PTPRD: variants seen among roughly 807,000 people sequenced by gnomAD.
PTPRD encodes the protein protein tyrosine phosphatase receptor type D.
A neutral mutation model predicts 214.5 loss-of-function variants in PTPRD; 34 were observed. The ratio of observed to expected loss-of-function variants is 0.16; its 90% CI spans 0.12 to 0.21. The LOEUF is 0.21. Ranked by LOEUF, PTPRD falls within the 10% of genes least tolerant of loss-of-function variation. The probability of loss-of-function intolerance (pLI) is 1.00; values close to 1 mark genes in which losing one functional copy is unlikely to be tolerated. For missense variants in PTPRD, 2,545 were observed against 2,398.7 expected (o/e 1.06, Z -1.27); for synonymous variants, 1,128 against 845.7 (o/e 1.33, Z -5.79).
At chr9:9,048,919 T>C (rs1569505425) in intron 10 of PTPRD, among the ~76,000 whole-genome samples, 1 of 152,212 alleles carries the variant, frequency 6.6e-6, no homozygotes, top group Non-Finnish European at 1.5e-5. Context: ...ACATCTCATG[T>C]ACCCCATAAA....
At chr9:9,035,504 G>A (rs1011780264) in intron 10 of PTPRD, among the ~76,000 whole-genome samples, 2 of 151,902 alleles carry the variant, frequency 1.3e-5, no homozygotes, top group African/African-American at 2.4e-5. Flanking sequence ...ATCAGCTTGC[G>A]CCATGCTCCA....
At chr9:10,290,647 G>A (rs2095500936) in intron 3 of PTPRD, among the ~76,000 whole-genome samples, 1 of 151,806 alleles carries the variant, frequency 6.6e-6, no homozygotes, top group Non-Finnish European at 1.5e-5. Flanking sequence ...TTTATTTTTG[G>A]TTTTAATTAA....
At chr9:8,421,553 A>G (rs1280988783) in intron 35 of PTPRD, among the ~76,000 whole-genome samples, 1 of 152,160 alleles carries the variant, frequency 6.6e-6, no homozygotes, top group Non-Finnish European at 1.5e-5. Flanking sequence ...CCATGGATTC[A>G]ACACAGCAAA....
intron 8 of PTPRD, among the ~76,000 whole-genome samples, chr9:9,468,646 G>T (rs1202924785): frequency 6.6e-6 from 1 of 151,678 alleles, no homozygotes; most frequent in Non-Finnish European, 1.5e-5. Context: ...TATAAACCCA[G>T]TACTTTTTTT....
chr9:10,551,305 C>T (rs1055417955), intron 2 of PTPRD, among the ~76,000 whole-genome samples: 3 of 152,124 alleles, frequency 2.0e-5, no homozygotes, highest in Non-Finnish European at 4.4e-5. Context: ...TGCCACTGCA[C>T]TCCAGTTTGG....
intron 39 of PTPRD, among the ~76,000 whole-genome samples, chr9:8,355,173 A>T (rs929072725): frequency 4.6e-5 from 7 of 152,072 alleles, no homozygotes; most frequent in African/African-American, 1.7e-4. Context: ...CTGATTGTTT[A>T]AAATAGTGCG....
intron 21 of PTPRD, among the ~76,000 whole-genome samples, chr9:8,512,248 G>C (rs1204836404): frequency 6.6e-6 from 1 of 151,996 alleles, no homozygotes; most frequent in Admixed American, 6.6e-5. Context: ...AAAACAAAGA[G>C]TCTGATGTGT....
chr9:8,674,397 G>A (rs140329014), intron 12 of PTPRD, among the ~76,000 whole-genome samples: 1 of 145,664 alleles, frequency 6.9e-6, no homozygotes, highest in African/African-American at 2.5e-5. Context: ...GGCGGAGGTT[G>A]CAGTGAGCCG....
chr9:8,582,637 C>G (rs1768091254), intron 14 of PTPRD, among the ~76,000 whole-genome samples: 1 of 152,160 alleles, frequency 6.6e-6, no homozygotes, highest in African/African-American at 2.4e-5. Flanking sequence ...GAAAGATGTT[C>G]AGCCCTACTA....
intron 11 of PTPRD, among the ~76,000 whole-genome samples, chr9:8,779,370 C>CT (rs2095606073): frequency 6.6e-6 from 1 of 151,886 alleles, no homozygotes; most frequent in Admixed American, 6.6e-5. Flanking sequence ...TCTCAGTTAT[C>CT]TGTCAGCCTT....
chr9:10,549,606 C>T (rs1439772178), intron 2 of PTPRD, among the ~76,000 whole-genome samples: 1 of 152,012 alleles, frequency 6.6e-6, no homozygotes, highest in Non-Finnish European at 1.5e-5. Context: ...TGTTTAGACC[C>T]CTGAGGGCCA....
chr9:9,833,206 A>G lies in PTPRD; in HGVS notation c.-367-66355T>C, dbSNP rs551337985. ...GCCCCGATAATCACATAGGTTTTCTATTTTCCAAAGCGTCGACTGGCTTGA... is the reference window on the plus strand; with the variant it reads ...GCCCCGATAATCACATAGGTTTTCTGTTTTCCAAAGCGTCGACTGGCTTGA... On this transcript the variant is annotated intron_variant, in intron 5 of 45. Coordinates refer to ENST00000381196, the MANE Select transcript of PTPRD (RefSeq NM_002839.4). Among the ~76,000 whole-genome samples, 104 of 152,098 alleles carry G rather than the reference A, an allele frequency of 6.8e-4. No individual in the cohort carries two copies. In the Middle Eastern group the frequency reaches 0.02, roughly 30 times the overall value.
chr9:8,742,288 T>C (rs1303318310), intron 11 of PTPRD, among the ~76,000 whole-genome samples: 1 of 152,170 alleles, frequency 6.6e-6, no homozygotes, highest in Non-Finnish European at 1.5e-5. Flanking sequence ...TTGAAGTATA[T>C]ATAGTATACA....
intron 11 of PTPRD, among the ~76,000 whole-genome samples, chr9:8,994,698 G>T (rs10977428): frequency 1.3e-5 from 2 of 151,934 alleles, no homozygotes; most frequent in African/African-American, 4.8e-5. Flanking sequence ...GAGTGACACA[G>T]TGAGGGAAGG....
At chr9:9,687,946 G>A (rs1314427254) in intron 7 of PTPRD, among the ~76,000 whole-genome samples, 1 of 151,822 alleles carries the variant, frequency 6.6e-6, no homozygotes, top group Non-Finnish European at 1.5e-5. Flanking sequence ...ATTGGATCAT[G>A]GGGGCAGTTT....
chr9:10,556,426 G>C (rs962909552), intron 2 of PTPRD, among the ~76,000 whole-genome samples: 1 of 151,770 alleles, frequency 6.6e-6, no homozygotes, highest in Non-Finnish European at 1.5e-5. Flanking sequence ...TATCATTTTA[G>C]GTATATTTTA....
chr9:9,258,933 G>A (rs974358734), intron 9 of PTPRD, among the ~76,000 whole-genome samples: 5 of 151,866 alleles, frequency 3.3e-5, no homozygotes, highest in Admixed American at 3.3e-4. Flanking sequence ...AAATTGTGCA[G>A]ACATTGATTC....
chr9:10,580,050 G>T (rs1161713638), intron 2 of PTPRD, among the ~76,000 whole-genome samples: 1 of 152,072 alleles, frequency 6.6e-6, no homozygotes, highest in Non-Finnish European at 1.5e-5. Flanking sequence ...ACATTAGAGG[G>T]TTAACTCTTT....
chr9:10,111,405 A>AT (rs1554659895), intron 3 of PTPRD, among the ~76,000 whole-genome samples: 1 of 150,310 alleles, frequency 6.7e-6, no homozygotes, highest in Non-Finnish European at 1.5e-5. Context: ...CGCCCAGCTA[A>AT]TTTTTTGTAT....
Sources: allele counts gnomAD v4.1 joint callset (sites outside exome capture counted in the v4.1 genomes callset), GRCh38; gene constraint gnomAD v4.1.1; transcripts MANE v1.5; gene names NCBI Gene and HGNC (gene_info 2026-07-23, HGNC 2026-07-21).